Variants in ATXN1 observed in about 807,000 individuals in gnomAD.
The protein encoded by ATXN1 is ataxin-1.
ATXN1 carries 8 observed loss-of-function variants against 56.4 expected under a neutral mutation model. That is an observed-to-expected ratio of 0.14 (90% CI 0.08 to 0.26). ATXN1 has a LOEUF of 0.26. Among genes scored for constraint, ATXN1 ranks in the 10% least tolerant of loss-of-function variants. ATXN1 has a pLI of 1.00. For missense variants in ATXN1, 987 were observed against 1,106.5 expected, an observed-to-expected ratio of 0.89 and a Z score of 1.53; for synonymous variants, 514 against 494.6, an observed-to-expected ratio of 1.04 and a Z score of -0.52.
chr6:16,346,589 T>TCACA (rs1426839144), intron 6 of ATXN1, among the ~76,000 whole-genome samples: 1 of 152,234 alleles, frequency 6.6e-6, no homozygotes, highest in Non-Finnish European at 1.5e-5. Flanking sequence ...CAGTGTCATG[T>TCACA]TAGACCGGGC....
chr6:16,503,602 C>A (rs192751008), intron 5 of ATXN1, among the ~76,000 whole-genome samples: 1 of 152,276 alleles, frequency 6.6e-6, no homozygotes, highest in East Asian at 1.9e-4. Flanking sequence ...ATATGGCTTT[C>A]ACTTAAACTA....
intron 6 of ATXN1, among the ~76,000 whole-genome samples, chr6:16,353,299 G>A (rs1224805391): frequency 6.6e-6 from 1 of 152,166 alleles, no homozygotes; most frequent in Non-Finnish European, 1.5e-5. Context: ...TGCCAAGAAA[G>A]CAGAAAGGAA....
intron 3 of ATXN1, among the ~76,000 whole-genome samples, chr6:16,607,405 G>C (rs1268733805): frequency 6.6e-6 from 1 of 152,220 alleles, no homozygotes; most frequent in Non-Finnish European, 1.5e-5. Context: ...TGTAAATTAT[G>C]CAAGTGAGAC....
intron 3 of ATXN1, among the ~76,000 whole-genome samples, chr6:16,587,549 T>C (rs1278044505): frequency 6.6e-6 from 1 of 152,240 alleles, no homozygotes; most frequent in African/African-American, 2.4e-5. Flanking sequence ...TAGGCATTTA[T>C]TTGCACTATT....
At chr6:16,487,322 T>C (rs983586320) in intron 5 of ATXN1, among the ~76,000 whole-genome samples, 2 of 150,220 alleles carry the variant, frequency 1.3e-5, no homozygotes, top group Non-Finnish European at 3.0e-5. Flanking sequence ...ATTAATAGCA[T>C]TTCTGAGGAA....
At chr6:16,727,372 C>T (rs780716059) in intron 2 of ATXN1, among the ~76,000 whole-genome samples, 9 of 152,000 alleles carry the variant, frequency 5.9e-5, no homozygotes, top group Admixed American at 1.3e-4. Context: ...TTTGAACCAC[C>T]GTCTCTGTCA....
chr6:16,366,111 T>C (rs1761913470), intron 6 of ATXN1, among the ~76,000 whole-genome samples: 1 of 152,208 alleles, frequency 6.6e-6, no homozygotes, highest in African/African-American at 2.4e-5. Flanking sequence ...ATCTTGGATG[T>C]TTACCTTTTC....
At chr6:16,459,706 C>T (rs542111979) in intron 6 of ATXN1, among the ~76,000 whole-genome samples, 48 of 152,308 alleles carry the variant, frequency 3.2e-4, no homozygotes, top group Admixed American at 7.8e-4. Context: ...CTTACATGGA[C>T]GGTCTTGCCT....
intron 3 of ATXN1, among the ~76,000 whole-genome samples, chr6:16,594,656 T>A (rs1762783796): frequency 6.6e-6 from 1 of 152,092 alleles, no homozygotes; most frequent in Non-Finnish European, 1.5e-5. Context: ...CTAATTTTTG[T>A]ATTTTTAGAA....
intron 6 of ATXN1, among the ~76,000 whole-genome samples, chr6:16,367,767 A>G (rs1233883635): frequency 6.6e-6 from 1 of 150,700 alleles, no homozygotes; most frequent in East Asian, 2.0e-4. Context: ...AGGTATGCCT[A>G]GACTAAATTC....
At chr6:16,570,440 T>C (rs539568123) in intron 4 of ATXN1, among the ~76,000 whole-genome samples, 1 of 152,236 alleles carries the variant, frequency 6.6e-6, no homozygotes, top group Non-Finnish European at 1.5e-5. Context: ...ATTGGTCATT[T>C]TTCTCCTTCC....
chr6:16,441,836 T>G (rs570514935), intron 6 of ATXN1, among the ~76,000 whole-genome samples: 1 of 151,114 alleles, frequency 6.6e-6, no homozygotes, highest in African/African-American at 2.4e-5. Context: ...CAAAAAGAAA[T>G]GAGGAAAGAA....
chr6:16,484,069 G>A (rs1022031620), intron 6 of ATXN1, among the ~76,000 whole-genome samples: 1 of 152,102 alleles, frequency 6.6e-6, no homozygotes, highest in African/African-American at 2.4e-5. Context: ...AAAAAAATAA[G>A]TAAAATAGTG....
intron 3 of ATXN1, among the ~76,000 whole-genome samples, chr6:16,601,730 G>A (rs1239241590): frequency 6.6e-6 from 1 of 152,104 alleles, no homozygotes; most frequent in Non-Finnish European, 1.5e-5. Flanking sequence ...GCGGGCACCT[G>A]TAGTCCCAGC....
chr6:16,515,264 G>A (rs1761159860), intron 5 of ATXN1, among the ~76,000 whole-genome samples: 2 of 151,914 alleles, frequency 1.3e-5, no homozygotes, highest in South Asian at 2.1e-4. Context: ...ACCATCTCAC[G>A]GGATATGGAC....
intron 4 of ATXN1, among the ~76,000 whole-genome samples, chr6:16,524,239 C>T (rs992968514): frequency 5.3e-5 from 8 of 152,168 alleles, no homozygotes; most frequent in African/African-American, 1.7e-4. Context: ...AAGTGTTTAA[C>T]ATGACACTTA....
intron 6 of ATXN1, among the ~76,000 whole-genome samples, chr6:16,431,226 T>C (rs1320245075): frequency 6.6e-6 from 1 of 152,192 alleles, no homozygotes; most frequent in East Asian, 1.9e-4. Context: ...TACAACTGGC[T>C]GAAATTATCA....
chr6:16,608,099 C>G (rs1418452744), intron 3 of ATXN1, among the ~76,000 whole-genome samples: 1 of 152,214 alleles, frequency 6.6e-6, no homozygotes, highest in African/African-American at 2.4e-5. Context: ...ACTGGCTTTA[C>G]CTGCAAGCCT....
intron 6 of ATXN1, among the ~76,000 whole-genome samples, chr6:16,425,396 C>G (rs76120093): frequency 6.6e-6 from 1 of 152,164 alleles, no homozygotes; most frequent in African/African-American, 2.4e-5. Context: ...TCTGGGAATG[C>G]TCCCAACATA....
Sources: allele counts gnomAD v4.1 joint callset (sites outside exome capture counted in the v4.1 genomes callset), GRCh38; gene constraint gnomAD v4.1.1; transcripts MANE v1.5; gene names NCBI Gene and HGNC (gene_info 2026-07-23, HGNC 2026-07-21).